The following BSPH1 variants were observed in gnomAD, a reference collection of about 807,000 sequenced individuals.
The protein encoded by BSPH1 is binder of sperm 1.
Under a neutral mutation model 22.5 loss-of-function variants are expected in BSPH1, and 21 were observed. The observed-to-expected ratio is 0.93, with a 90% CI of 0.66 to 1.35. The LOEUF is 1.35. Among genes scored for constraint, BSPH1 ranks in the 40% most tolerant of loss-of-function variants. BSPH1 has a pLI of 0.00. For synonymous variants in BSPH1, 42 were observed against 53.6 expected (o/e 0.78, Z 0.95); for missense variants, 141 against 154.2 (o/e 0.91, Z 0.45).
At chr19:47,977,804 A>G (rs1969379555) in intron 3 of BSPH1, 5 of 376,230 alleles carry the variant, frequency 1.3e-5, no homozygotes, top group Non-Finnish European at 1.8e-5. Flanking sequence ...GTGGGCATTT[A>G]TCTACCCAAC....
At chr19:47,975,078 A>G (rs1969349062) in intron 5 of BSPH1, among the ~76,000 whole-genome samples, 1 of 152,228 alleles carries the variant, frequency 6.6e-6, no homozygotes, top group Non-Finnish European at 1.5e-5. Flanking sequence ...GTAACAATGG[A>G]AGACCAGTTT....
Position 47,976,969 on chromosome 19 carries a change from A to G in BSPH1, c.257-115T>C, listed in dbSNP as rs575120227. 2.0e-4 allele frequency: 194 copies of G among 982,368 alleles called. 1 individual carries two copies. Among genetic ancestry groups the G allele is most frequent in the South Asian group, 4.9e-4 (30 of 60,826 alleles). 60.9% of individuals were successfully genotyped at this position (982,368 alleles called of 1,614,324 possible). On this transcript the variant is annotated intron_variant, in intron 4 of 5. Transcript: ENST00000344839. ...TGCACACATGTGCATGCACGTGAAC[A>G]AATGTGCACACATACACATGCACAC...
intron 5 of BSPH1, among the ~76,000 whole-genome samples, chr19:47,969,694 A>AGAGAGAGAGAGAGG (rs1969292294): frequency 1.1e-5 from 1 of 91,484 alleles, no homozygotes; most frequent in African/African-American, 3.0e-5. Flanking sequence ...GGAGAGAGAG[A>AGAGAGAGAGAGAGG]GAGAGAGAGA....
intron 2 of BSPH1, 142 bp from the exon 3 acceptor site, chr19:47,979,741 C>T (rs943405099): frequency 2.4e-6 from 1 of 416,058 alleles, no homozygotes; most frequent in African/African-American, 2.1e-5. Context: ...CATCCAAGAA[C>T]ATGGCATCTG....
At position 47,976,770 on chromosome 19, in the gene BSPH1, T is replaced by C; in HGVS notation, c.341A>G (p.Lys114Arg). 1 of 1,551,738 alleles carries C rather than the reference T, an allele frequency of 6.4e-7. No homozygotes were observed. Among genetic ancestry groups the C allele is most frequent in the Non-Finnish European group, 8.7e-7 (1 of 1,146,960 alleles). Reference protein sequence around the residue: ...CTDDGEAFGKKWCSLTKNFNK... With the variant: ...CTDDGEAFGKRWCSLTKNFNK... ...AAAATTCTTGGTCAGTGAACACCAT[T>C]TTTTCCCAAATGCTTCCCCATCATC... The change falls in exon 5 of 6, where the codon AAA (lysine) becomes AGA (arginine). Residue 114 changes from lysine (K) to arginine (R), a missense_variant. Lys to Arg is a conservative substitution (Grantham distance 26). Coordinates refer to ENST00000344839, the MANE Select transcript of BSPH1 (RefSeq NM_001128326.2).
At chr19:47,986,883 G>A (rs1039273279) in intron 1 of BSPH1, among the ~76,000 whole-genome samples, 1 of 152,200 alleles carries the variant, frequency 6.6e-6, no homozygotes, top group African/African-American at 2.4e-5. Context: ...TTCCTTCTTA[G>A]GAGCTCAGAG....
intron 3 of BSPH1, among the ~76,000 whole-genome samples, chr19:47,978,623 T>C (rs1600087803): frequency 6.6e-6 from 1 of 152,358 alleles, no homozygotes; most frequent in East Asian, 1.9e-4. Context: ...GAATATTGCT[T>C]TGTCAAAGGA....
chr19:47,974,269 C>CTTT (rs558434334), intron 5 of BSPH1, among the ~76,000 whole-genome samples: 1,846 of 76,002 alleles, frequency 0.024, 32 homozygotes, highest in Non-Finnish European at 0.036. Context: ...CTCTCTCTCT[C>CTTT]TTTTTTTTTT....
At chr19:47,969,793 G>C (rs1395281413) in intron 5 of BSPH1, among the ~76,000 whole-genome samples, 3 of 151,474 alleles carry the variant, frequency 2.0e-5, no homozygotes. Context: ...GTGTGTGAGA[G>C]AGACTTCAGA....
In BSPH1 at chr19:47,979,596, G is replaced by T; in HGVS notation, c.98C>A (p.Thr33Asn). The part of the protein sequence containing the change: ...ILNELSSTVE[T>N]ITHFPEVTDG... ...TGTAACTTCTGGAAAATGAGTTATA[G>T]TTTCTGAAAAATAAAATTTAGAGCT... is the stretch of plus-strand genomic sequence containing the variant. The change falls in exon 3 of 6, where the codon ACT becomes AAT. Residue 33 changes from threonine (T) to asparagine (N), a missense_variant. Thr to Asn is a moderately conservative substitution (Grantham distance 65). Transcript: ENST00000344839. 1 of 1,327,602 alleles carries T rather than the reference G, an allele frequency of 7.5e-7. No individual in the cohort carries two copies. The highest frequency in any genetic ancestry group is 1.0e-6 in the Non-Finnish European group (1 of 979,540). The allele number at this position is 1,327,602 out of a possible 1,614,324, so 82.2% of individuals were successfully genotyped here.
chr19:47,980,255 C>T (rs1353638371), intron 2 of BSPH1, among the ~76,000 whole-genome samples: 1 of 151,816 alleles, frequency 6.6e-6, no homozygotes, highest in Non-Finnish European at 1.5e-5. Flanking sequence ...ATGAAATTGG[C>T]TTTATAATAT....
At chr19:47,978,219 C>T (rs1292602107) in intron 3 of BSPH1, among the ~76,000 whole-genome samples, 2 of 151,816 alleles carry the variant, frequency 1.3e-5, no homozygotes, top group Admixed American at 6.6e-5. Flanking sequence ...ATCCTCCCAC[C>T]TCAACCTCTG....
intron 4 of BSPH1, 107 bp from the exon 5 acceptor site, chr19:47,976,961 A>C: frequency 9.2e-7 from 1 of 1,089,518 alleles, no homozygotes; most frequent in Non-Finnish European, 1.3e-6. Context: ...ATGTGCATGC[A>C]CGTGAACAAA....
At chr19:47,968,731 G>C (rs1803310766) in intron 5 of BSPH1, among the ~76,000 whole-genome samples, 1 of 149,872 alleles carries the variant, frequency 6.7e-6, no homozygotes. Context: ...AGGCACAGTG[G>C]CTCATGCCTA....
intron 5 of BSPH1, among the ~76,000 whole-genome samples, chr19:47,976,322 G>A (rs917031439): frequency 1.3e-4 from 19 of 151,750 alleles, no homozygotes; most frequent in African/African-American, 4.6e-4. Flanking sequence ...GTAGAAACGG[G>A]GTCTTGCTAT....
intron 3 of BSPH1, 78 bp from the exon 4 acceptor site, chr19:47,977,582 T>C (rs776313177): frequency 1.3e-6 from 2 of 1,510,462 alleles, no homozygotes; most frequent in Non-Finnish European, 1.8e-6. Context: ...TCCTAGGCGC[T>C]GTTGCCCTTT....
intron 1 of BSPH1, among the ~76,000 whole-genome samples, chr19:47,990,349 G>A (rs985306820): frequency 2.0e-5 from 3 of 152,012 alleles, no homozygotes; most frequent in African/African-American, 7.2e-5. Context: ...AGTATTATGT[G>A]GAAAAATATG....
At chr19:47,967,524 C>T (rs1969270229), downstream of BSPH1, among the ~76,000 whole-genome samples, 2 of 152,186 alleles carry the variant, frequency 1.3e-5, no homozygotes, top group Admixed American at 1.3e-4. Flanking sequence ...CAAAGCGTCT[C>T]TCCTTGCCTT....
chr19:47,977,487 G>C lies in BSPH1; in HGVS notation c.142C>G (p.Pro48Ala). Residue 48 changes from proline (P) to alanine (A), a missense_variant, in exon 4 of 6, where the codon CCA becomes GCA. Pro to Ala is a conservative substitution (Grantham distance 27). Coordinates refer to ENST00000344839, the MANE Select transcript of BSPH1 (RefSeq NM_001128326.2). ...PEVTDGECVFPFHYKNGTYYD... is the reference protein window; with the variant it reads ...PEVTDGECVFAFHYKNGTYYD... Reference sequence around the variant, plus strand: ...TATGTTCCATTTTTATAGTGGAATGGAAAGACACACTCCCCATCTAGAGAA... The same window carrying C: ...TATGTTCCATTTTTATAGTGGAATGCAAAGACACACTCCCCATCTAGAGAA... 6.4e-7 allele frequency: 1 copy of C among 1,551,614 alleles called. No individual in the cohort carries two copies. The highest frequency in any genetic ancestry group is 1.2e-5 in the South Asian group (1 of 84,030).
Sources: allele counts gnomAD v4.1 joint callset (sites outside exome capture counted in the v4.1 genomes callset), GRCh38; gene constraint gnomAD v4.1.1; transcripts MANE v1.5; gene names NCBI Gene and HGNC (gene_info 2026-07-23, HGNC 2026-07-21).